Variants in WDFY4 observed in about 807,000 individuals in gnomAD.
WDFY4 encodes WDFY family member 4.
Under a neutral mutation model 351.9 loss-of-function variants are expected in WDFY4, and 169 were observed. That is an observed-to-expected ratio of 0.48 (90% CI 0.42 to 0.55). The LOEUF (loss-of-function observed/expected upper bound fraction) is 0.55. Ranked by LOEUF, WDFY4 falls within the 20% of genes least tolerant of loss-of-function variation. The probability of loss-of-function intolerance (pLI) is 0.00; values close to 1 mark genes in which losing one functional copy is unlikely to be tolerated. For missense variants in WDFY4, 3,803 were observed against 3,935.6 expected (o/e 0.97, Z 0.90); for synonymous variants, 1,622 against 1,574.6 (o/e 1.03, Z -0.71).
At chr10:48,720,532 C>A (rs1207117736) in intron 3 of WDFY4, among the ~76,000 whole-genome samples, 4 of 151,774 alleles carry the variant, frequency 2.6e-5, no homozygotes, top group African/African-American at 9.7e-5. Flanking sequence ...CACACAGACA[C>A]ATACAGAGAC....
intron 39 of WDFY4, among the ~76,000 whole-genome samples, chr10:48,845,476 A>AAG (rs146399829): frequency 0.061 from 9,342 of 151,928 alleles, 641 homozygotes; most frequent in African/African-American, 0.17. Context: ...AGGTGCCCAG[A>AAG]AGAGAGAGTG....
chr10:48,730,116 T>A (rs2064408906), intron 8 of WDFY4, among the ~76,000 whole-genome samples: 1 of 152,206 alleles, frequency 6.6e-6, no homozygotes, highest in Admixed American at 6.5e-5. Flanking sequence ...GGCACAGCCA[T>A]GACCCAGCTC....
intron 56 of WDFY4, 140 bp from the exon 57 acceptor site, chr10:48,969,991 A>T: frequency 1.9e-6 from 2 of 1,063,386 alleles, no homozygotes; most frequent in Non-Finnish European, 2.6e-6. Flanking sequence ...GGATTTTGTC[A>T]CCAAGAACTG....
At position 48,746,704 on chromosome 10, in the gene WDFY4, C is replaced by T. The variant is rs534791421; in HGVS notation, c.2459+3156C>T. Among the ~76,000 whole-genome samples the T allele has an allele frequency of 3.3e-5, 5 of 152,076 alleles. No individual in the cohort carries two copies. In the South Asian group the frequency reaches 1.0e-3, roughly 32 times the overall value. On this transcript the variant is annotated intron_variant, in intron 12 of 61. Transcript: ENST00000325239. Reference sequence around the variant, plus strand: ...TACCTACTAGTATGAAATTTAAACTCTCTATGATTAATTTTATAGTAGTTG... The same window carrying T: ...TACCTACTAGTATGAAATTTAAACTTTCTATGATTAATTTTATAGTAGTTG...
intron 13 of WDFY4, among the ~76,000 whole-genome samples, chr10:48,767,176 G>A (rs138435565): frequency 1.5e-3 from 228 of 152,330 alleles, no homozygotes; most frequent in African/African-American, 5.2e-3. Context: ...GTGGCCTGAT[G>A]AGATTGATGG....
rs771339557 is a variant in WDFY4 at position 48,953,333 on chromosome 10, T to TCTCTCACACACACA, written c.7978-3795_7978-3794insTCTCACACACACAC. Among the ~76,000 whole-genome samples, 1,251 of 128,140 alleles carry TCTCTCACACACACA rather than the reference T, an allele frequency of 9.8e-3. 16 individuals carry two copies. The highest frequency in any genetic ancestry group is 0.034 in the African/African-American group (1,140 of 33,722). 84.1% of individuals were successfully genotyped at this position (128,140 alleles called of 152,430 possible). A position where few individuals can be genotyped will look rare whatever the true frequency, so the allele number is the denominator to read the frequency against. On this transcript the variant is annotated intron_variant, in intron 51 of 61. Transcript: ENST00000325239. ...CTCTCTCTCTCTCTCTCTCTCTCTC[T>TCTCTCACACACACA]CACACACACACACACACACACACAC...
At chr10:48,704,946 C>A (rs1439675784) in intron 1 of WDFY4, among the ~76,000 whole-genome samples, 1 of 47,516 alleles carries the variant, frequency 2.1e-5, no homozygotes, top group Admixed American at 2.7e-4. Context: ...CTGACTAATG[C>A]TAGAGGGGCC....
At chr10:48,880,065 G>T (rs757414785) in intron 43 of WDFY4, among the ~76,000 whole-genome samples, 2 of 152,190 alleles carry the variant, frequency 1.3e-5, no homozygotes, top group Admixed American at 6.5e-5. Flanking sequence ...CCTCCTGGGG[G>T]CTTCTCTGGA....
chr10:48,927,060 G>GTAGTGCC (rs151325880), intron 47 of WDFY4, among the ~76,000 whole-genome samples: 2,506 of 152,342 alleles, frequency 0.016, 40 homozygotes, highest in African/African-American at 0.02. Context: ...CTGGAGAGCT[G>GTAGTGCC]CAGGCTGCTG....
At chr10:48,762,482 TA>T (rs2065538903) in intron 13 of WDFY4, among the ~76,000 whole-genome samples, 1 of 152,172 alleles carries the variant, frequency 6.6e-6, no homozygotes, top group South Asian at 2.1e-4. Flanking sequence ...GATAGGAAGT[TA>T]AAAACATCCG....
intron 10 of WDFY4, 89 bp downstream of exon 10, chr10:48,734,124 T>G: frequency 8.5e-7 from 1 of 1,170,394 alleles, no homozygotes; most frequent in African/African-American, 1.5e-5. Context: ...CAGGTTATAC[T>G]CAAGGAGTAA....
intron 54 of WDFY4, among the ~76,000 whole-genome samples, chr10:48,965,315 A>T (rs947997910): frequency 6.6e-6 from 1 of 152,164 alleles, no homozygotes; most frequent in Non-Finnish European, 1.5e-5. Flanking sequence ...TAAAGTAGCC[A>T]TCAGAATGAG....
At chr10:48,935,141 C>T (rs1168217349) in intron 47 of WDFY4, 3 of 152,178 alleles carry the variant, frequency 2.0e-5, no homozygotes, top group South Asian at 2.1e-4. Context: ...TAAAGTAAAT[C>T]GATAAGCGCA....
At position 48,828,811 on chromosome 10, in the gene WDFY4, T is replaced by C; in HGVS notation, c.6255T>C (p.Pro2085=). 1.0e-5 allele frequency: 16 copies of C among 1,550,288 alleles called. No individual in the cohort carries two copies. Among genetic ancestry groups the C allele is most frequent in the Non-Finnish European group, 1.4e-5 (16 of 1,146,488 alleles). Reference sequence around the variant, plus strand: ...AAGGATTTGGATTGGAGCCCAAGCCTAGAATGTCTACTTATCATCAAGTCT... The same window carrying C: ...AAGGATTTGGATTGGAGCCCAAGCCCAGAATGTCTACTTATCATCAAGTCT... ...YPEGFGLEPK[P]RMSTYHQVFL... is the part of the protein sequence containing the mutation. Residue 2085 remains proline (P), a synonymous_variant, in exon 37 of 62, where the codon CCT becomes CCC. Coordinates refer to ENST00000325239, the MANE Select transcript of WDFY4 (RefSeq NM_001394531.1).
intron 1 of WDFY4, among the ~76,000 whole-genome samples, chr10:48,702,525 C>A (rs959539659): frequency 5.3e-5 from 8 of 152,018 alleles, no homozygotes; most frequent in African/African-American, 1.9e-4. Context: ...TGACAGAAGG[C>A]CTTTGAGATG....
At chr10:48,847,227 C>T (rs1210522414) in intron 39 of WDFY4, among the ~76,000 whole-genome samples, 1 of 152,128 alleles carries the variant, frequency 6.6e-6, no homozygotes, top group African/African-American at 2.4e-5. Context: ...CTGTACATGA[C>T]CGTGTCCTCA....
intron 2 of WDFY4, among the ~76,000 whole-genome samples, chr10:48,712,342 C>G (rs1356577794): frequency 2.6e-5 from 4 of 152,226 alleles, no homozygotes; most frequent in Non-Finnish European, 5.9e-5. Flanking sequence ...TTTCCACCAG[C>G]CTCCAGTGTA....
At position 48,934,118 on chromosome 10, in the gene WDFY4, C is replaced by T. The variant is rs576773106; in HGVS notation, c.7587-7688C>T. Among the ~76,000 whole-genome samples, 223 of 152,282 alleles carry T rather than the reference C, an allele frequency of 1.5e-3. 1 individual carries two copies. Among genetic ancestry groups the T allele is most frequent in the African/African-American group, 5.2e-3 (216 of 41,534 alleles). On this transcript the variant is annotated intron_variant, in intron 47 of 61. Transcript: ENST00000325239. ...CCTGTCACAGCCCTGTCCTCCTAGA[C>T]GTGTGACTTTGCATAAGTTTCTTAA...
chr10:48,758,240 G>C (rs979090843), intron 12 of WDFY4, among the ~76,000 whole-genome samples: 1 of 152,104 alleles, frequency 6.6e-6, no homozygotes, highest in Non-Finnish European at 1.5e-5. Context: ...TAAAAATGTT[G>C]TTTCCATGAC....
Sources: gnomAD v4.1 joint callset for allele counts (sites outside exome capture counted in the v4.1 genomes callset) on GRCh38, gnomAD v4.1.1 for gene constraint, MANE v1.5 for transcripts, NCBI Gene and HGNC (gene_info 2026-07-23, HGNC 2026-07-21) for gene names.